NWD2: variants seen among roughly 807,000 people sequenced by gnomAD.
NWD2 encodes NACHT and WD repeat domain-containing protein 2.
NWD2 carries 37 observed loss-of-function variants against 132.7 expected under a neutral mutation model. The ratio of observed to expected loss-of-function variants is 0.28; its 90% CI spans 0.21 to 0.37. NWD2 has a LOEUF of 0.37. Ranked by LOEUF, NWD2 falls within the 10% of genes least tolerant of loss-of-function variation. The pLI, the probability that NWD2 is intolerant of heterozygous loss-of-function variation, is 1.00. For missense variants in NWD2, 1,592 were observed against 2,122.4 expected (o/e 0.75, Z 4.91); for synonymous variants, 705 against 803.0 (o/e 0.88, Z 2.06).
chr4:37,364,691 TACACACACAC>T lies in NWD2; in HGVS notation c.357+8234_357+8243del, dbSNP rs57981065. 7.3e-3 allele frequency among the ~76,000 whole-genome samples: 1,068 copies of T among 146,686 alleles called. 12 individuals are homozygous for T. The highest frequency in any genetic ancestry group is 0.025 in the African/African-American group (968 of 39,504). Reference sequence around the variant, plus strand: ...GTCAGAGCAGACTTCTACCTCCACTTACACACACACACACACACACACACACACACACACT... The same window carrying T: ...GTCAGAGCAGACTTCTACCTCCACTTACACACACACACACACACACACACT... On this transcript the variant is annotated intron_variant, in intron 3 of 6. Coordinates refer to ENST00000309447, the MANE Select transcript of NWD2 (RefSeq NM_001144990.2).
chr4:37,251,009 T>C (rs1717346980), intron 1 of NWD2, among the ~76,000 whole-genome samples: 1 of 152,268 alleles, frequency 6.6e-6, no homozygotes, highest in African/African-American at 2.4e-5. Flanking sequence ...ATGCAGTGGC[T>C]CACGCCTATA....
chr4:37,278,678 T>C (rs892941168), intron 1 of NWD2, among the ~76,000 whole-genome samples: 1 of 152,180 alleles, frequency 6.6e-6, no homozygotes, highest in African/African-American at 2.4e-5. Context: ...TGAACCTTCA[T>C]AGAAACCAGC....
intron 1 of NWD2, among the ~76,000 whole-genome samples, chr4:37,262,523 GGATGTACATT>G (rs1717660566): frequency 1.3e-5 from 2 of 152,044 alleles, no homozygotes; most frequent in Admixed American, 1.3e-4. Flanking sequence ...GCATTCACTG[GGATGTACATT>G]TTCTAGTAGC....
At chr4:37,271,217 T>C (rs1717865429) in intron 1 of NWD2, among the ~76,000 whole-genome samples, 1 of 151,836 alleles carries the variant, frequency 6.6e-6, no homozygotes, top group Admixed American at 6.6e-5. Flanking sequence ...TTCTTCTGGC[T>C]ATCCAAGATC....
At chr4:37,265,900 G>T (rs1421474281) in intron 1 of NWD2, among the ~76,000 whole-genome samples, 3 of 151,942 alleles carry the variant, frequency 2.0e-5, no homozygotes, top group African/African-American at 4.8e-5. Context: ...CATCTTTCAG[G>T]GGGCCATTAT....
intron 3 of NWD2, among the ~76,000 whole-genome samples, chr4:37,373,625 A>G (rs374002185): frequency 9.9e-5 from 15 of 152,252 alleles, no homozygotes; most frequent in African/African-American, 2.9e-4. Flanking sequence ...AATTAGCAAC[A>G]GTGATGAGTA....
intron 3 of NWD2, among the ~76,000 whole-genome samples, chr4:37,393,502 G>T (rs1720719952): frequency 6.6e-6 from 1 of 152,168 alleles, no homozygotes; most frequent in Admixed American, 6.5e-5. Flanking sequence ...AGTACAACTG[G>T]AAAGTTTCCA....
chr4:37,313,989 C>T (rs73240366), intron 1 of NWD2, among the ~76,000 whole-genome samples: 1 of 145,592 alleles, frequency 6.9e-6, no homozygotes, highest in Non-Finnish European at 1.5e-5. Flanking sequence ...AGCCACTGCG[C>T]CTGGCCATTG....
intron 3 of NWD2, among the ~76,000 whole-genome samples, chr4:37,366,460 A>C (rs1256861471): frequency 2.0e-5 from 3 of 152,188 alleles, no homozygotes; most frequent in Non-Finnish European, 2.9e-5. Flanking sequence ...CATGCAAGGA[A>C]TCAAGAAACT....
At chr4:37,255,796 C>G (rs1717506292) in intron 1 of NWD2, among the ~76,000 whole-genome samples, 1 of 152,058 alleles carries the variant, frequency 6.6e-6, no homozygotes, top group Non-Finnish European at 1.5e-5. Flanking sequence ...GACCCTGAGT[C>G]CCAGAGGGTT....
chr4:37,281,014 G>A (rs1304003696), intron 1 of NWD2, among the ~76,000 whole-genome samples: 2 of 152,096 alleles, frequency 1.3e-5, no homozygotes, highest in East Asian at 1.9e-4. Flanking sequence ...TCCTGGCTGT[G>A]GGAGAGAGTA....
intron 3 of NWD2, among the ~76,000 whole-genome samples, chr4:37,411,264 A>G (rs888831816): frequency 2.0e-5 from 3 of 152,230 alleles, no homozygotes; most frequent in Non-Finnish European, 4.4e-5. Context: ...GAAAGAGAAA[A>G]GAATCAAATA....
intron 2 of NWD2, among the ~76,000 whole-genome samples, chr4:37,351,795 CTT>C (rs1235994047): frequency 6.6e-6 from 1 of 152,150 alleles, no homozygotes; most frequent in Non-Finnish European, 1.5e-5. Context: ...ATCTTTCCTG[CTT>C]TCTCCTGTGG....
intron 2 of NWD2, among the ~76,000 whole-genome samples, chr4:37,339,773 C>G (rs536675062): frequency 1.3e-5 from 2 of 152,210 alleles, no homozygotes; most frequent in Admixed American, 1.3e-4. Flanking sequence ...TAGCCATCAC[C>G]CAAATAGTAT....
chr4:37,396,185 G>A (rs1291233547), intron 3 of NWD2, among the ~76,000 whole-genome samples: 1 of 152,166 alleles, frequency 6.6e-6, no homozygotes, highest in Non-Finnish European at 1.5e-5. Flanking sequence ...CATTTGTGAG[G>A]AGGCTTTTAG....
At chr4:37,280,896 A>G (rs1235757430) in intron 1 of NWD2, among the ~76,000 whole-genome samples, 2 of 152,060 alleles carry the variant, frequency 1.3e-5, no homozygotes, top group African/African-American at 4.8e-5. Flanking sequence ...AAAGACCATA[A>G]CCTCTCTCCT....
chr4:37,405,291 C>T (rs931912114), intron 3 of NWD2, among the ~76,000 whole-genome samples: 4 of 152,104 alleles, frequency 2.6e-5, no homozygotes, highest in African/African-American at 9.7e-5. Context: ...GAGAGCGACT[C>T]TAAAACCATG....
At chr4:37,394,802 T>TTTG (rs1720749143) in intron 3 of NWD2, among the ~76,000 whole-genome samples, 1 of 90,522 alleles carries the variant, frequency 1.1e-5, no homozygotes, top group Non-Finnish European at 2.3e-5. Context: ...CTTTATGGTT[T>TTTG]TTTTTTTTTT....
intron 3 of NWD2, among the ~76,000 whole-genome samples, chr4:37,378,694 G>A (rs187602985): frequency 2.7e-3 from 409 of 152,238 alleles, no homozygotes; most frequent in African/African-American, 9.0e-3. Context: ...TCTTGTGAAA[G>A]TGTTTATTTT....
Sources: allele counts gnomAD v4.1 joint callset (sites outside exome capture counted in the v4.1 genomes callset), GRCh38; gene constraint gnomAD v4.1.1; transcripts MANE v1.5; gene names NCBI Gene and HGNC (gene_info 2026-07-23, HGNC 2026-07-21).